The following ASRGL1 variants were observed in gnomAD, a reference collection of about 807,000 sequenced individuals.
The protein encoded by ASRGL1 is asparaginase and isoaspartyl peptidase 1.
In ASRGL1, 16 loss-of-function variants were observed where a neutral mutation model predicts 22.4. The observed-to-expected ratio is 0.71, with a 90% CI of 0.48 to 1.08. ASRGL1 has a LOEUF of 1.08. ASRGL1 is among the 50% of genes least tolerant of loss of function. The pLI is 0.00. For missense variants in ASRGL1, 412 were observed against 410.1 expected (o/e 1.00, Z -0.04); for synonymous variants, 165 against 159.3 (o/e 1.04, Z -0.27).
At chr11:62,401,105 G>A in the ASRGL1 span, among the ~76,000 whole-genome samples, 313 of 152,370 alleles carry the variant, frequency 2.1e-3, 1 homozygote, top group Non-Finnish European at 3.5e-3. Flanking sequence ...CCAGAGGTCA[G>A]AACAAGGAGT....
chr11:62,337,915 G>A lies in ASRGL1; in HGVS notation c.-63G>A. The A allele has an allele frequency of 1.3e-6, 2 of 1,523,842 alleles. No homozygotes were observed. Among genetic ancestry groups the A allele is most frequent in the South Asian group, 1.2e-5 (1 of 81,316 alleles). 94.4% of individuals were successfully genotyped at this position (1,523,842 alleles called of 1,614,324 possible). ...GGTCTCCCGAGGACCTTGTACCCGC[G>A]CGGCTTCCTTGGGCTGGCTTTGGAC... is the stretch of plus-strand genomic sequence containing the variant. On this transcript the variant is annotated 5_prime_UTR_variant, in exon 2 of 7. Coordinates refer to ENST00000415229, the MANE Select transcript of ASRGL1 (RefSeq NM_001083926.2).
At chr11:62,398,191 C>T (rs1947453039), downstream of ASRGL1, among the ~76,000 whole-genome samples, 1 of 152,086 alleles carries the variant, frequency 6.6e-6, no homozygotes, top group African/African-American at 2.4e-5. Flanking sequence ...CACAAGGCCC[C>T]ACCCAGAAGT....
downstream of ASRGL1, among the ~76,000 whole-genome samples, chr11:62,395,983 AG>A (rs2134714022): frequency 6.6e-6 from 1 of 151,906 alleles, no homozygotes; most frequent in African/African-American, 2.4e-5. Flanking sequence ...CATGTTGGAC[AG>A]GCTGGTCTCG....
intron 4 of ASRGL1, among the ~76,000 whole-genome samples, chr11:62,384,160 G>C (rs1482702019): frequency 7.0e-6 from 1 of 143,444 alleles, no homozygotes; most frequent in African/African-American, 2.6e-5. Context: ...AGTGAGCCAA[G>C]ATCACACCCC....
chr11:62,373,065 G>T, intron 4 of ASRGL1: 4 of 1,439,294 alleles, frequency 2.8e-6, no homozygotes, highest in Non-Finnish European at 3.9e-6. Context: ...CATTTTCTCA[G>T]AGCCGGTCGC....
chr11:62,376,070 C>G (rs968792640), intron 4 of ASRGL1, among the ~76,000 whole-genome samples: 1 of 144,670 alleles, frequency 6.9e-6, no homozygotes, highest in African/African-American at 2.6e-5. Context: ...CCACTGCACT[C>G]CAGCCTGGTG....
At chr11:62,358,197 C>T (rs1472291915) in intron 4 of ASRGL1, among the ~76,000 whole-genome samples, 2 of 151,970 alleles carry the variant, frequency 1.3e-5, no homozygotes, top group African/African-American at 2.4e-5. Flanking sequence ...GGTGAAACCC[C>T]GTCTCTACTA....
intron 5 of ASRGL1, chr11:62,389,474 GC>G (rs1947291213): frequency 5.0e-6 from 3 of 605,520 alleles, no homozygotes; most frequent in Non-Finnish European, 9.2e-6. Flanking sequence ...TAGATTGCAT[GC>G]CTTTTTGGAA....
intron 4 of ASRGL1, among the ~76,000 whole-genome samples, chr11:62,360,819 C>T (rs1451564973): frequency 2.0e-5 from 3 of 152,118 alleles, no homozygotes; most frequent in Non-Finnish European, 4.4e-5. Flanking sequence ...CACCCTGTTA[C>T]AGGAATTGAG....
intron 5 of ASRGL1, 73 bp from the exon 6 acceptor site, chr11:62,391,449 T>G: frequency 6.6e-7 from 1 of 1,522,760 alleles, no homozygotes; most frequent in Non-Finnish European, 8.8e-7. Context: ...AACTTTCATG[T>G]AGCGTCCGAC....
At chr11:62,380,390 T>A (rs1325307037) in intron 4 of ASRGL1, among the ~76,000 whole-genome samples, 2 of 152,180 alleles carry the variant, frequency 1.3e-5, no homozygotes, top group African/African-American at 4.8e-5. Flanking sequence ...TTGTATTGAA[T>A]GAGGGGCAGG....
At chr11:62,355,734 A>C (rs535137368) in intron 2 of ASRGL1, among the ~76,000 whole-genome samples, 62 of 152,088 alleles carry the variant, frequency 4.1e-4, no homozygotes, top group Admixed American at 8.5e-4. Flanking sequence ...AAGTGAACAA[A>C]GGTCTCTGGT....
chr11:62,391,787 TC>T (rs1189612880), intron 6 of ASRGL1, 155 bp downstream of exon 6: 34 of 982,734 alleles, frequency 3.5e-5, no homozygotes, highest in African/African-American at 4.9e-5. Context: ...CTCTCCGCCT[TC>T]CCTTAGGTCT....
At chr11:62,345,053 ATTC>A (rs1478516815) in intron 2 of ASRGL1, among the ~76,000 whole-genome samples, 3 of 152,148 alleles carry the variant, frequency 2.0e-5, no homozygotes, top group Non-Finnish European at 4.4e-5. Flanking sequence ...ACAGAATCTC[ATTC>A]TTTTTTATGG....
chr11:62,356,057 A>C (rs924820819), intron 2 of ASRGL1, among the ~76,000 whole-genome samples: 1 of 152,182 alleles, frequency 6.6e-6, no homozygotes, highest in African/African-American at 2.4e-5. Context: ...CGACTTCTCA[A>C]TCTTTTCCCC....
At chr11:62,375,837 C>T (rs559770165) in intron 4 of ASRGL1, among the ~76,000 whole-genome samples, 2 of 151,970 alleles carry the variant, frequency 1.3e-5, no homozygotes, top group South Asian at 2.1e-4. Flanking sequence ...AGCGGCCAGG[C>T]ATGGTGGCTC....
chr11:62,369,539 G>T (rs1376903273), intron 4 of ASRGL1, among the ~76,000 whole-genome samples: 1 of 152,036 alleles, frequency 6.6e-6, no homozygotes, highest in Non-Finnish European at 1.5e-5. Flanking sequence ...GGGTACACCT[G>T]CAGACTAGCA....
intron 2 of ASRGL1, among the ~76,000 whole-genome samples, chr11:62,349,099 G>A (rs1372702456): frequency 5.9e-5 from 9 of 152,004 alleles, no homozygotes; most frequent in South Asian, 2.1e-4. Flanking sequence ...CTCCTGAGTC[G>A]CTGGGATTAC....
At chr11:62,363,905 C>T (rs551088451) in intron 4 of ASRGL1, among the ~76,000 whole-genome samples, 1 of 152,214 alleles carries the variant, frequency 6.6e-6, no homozygotes, top group South Asian at 2.1e-4. Context: ...GCCTGTAATC[C>T]TAGCACTTTG....
Sources: allele counts gnomAD v4.1 joint callset (sites outside exome capture counted in the v4.1 genomes callset), GRCh38; gene constraint gnomAD v4.1.1; transcripts MANE v1.5; gene names NCBI Gene and HGNC (gene_info 2026-07-23, HGNC 2026-07-21).